The following DNAJC13 variants were observed in gnomAD, a reference collection of about 807,000 sequenced individuals.
DNAJC13 encodes the protein DnaJ heat shock protein family (Hsp40) member C13.
Under a neutral mutation model 290.5 loss-of-function variants are expected in DNAJC13, and 75 were observed. The ratio of observed to expected loss-of-function variants is 0.26; its 90% CI spans 0.21 to 0.31. DNAJC13 has a LOEUF of 0.31. DNAJC13 is among the 10% of genes least tolerant of loss of function. DNAJC13 has a pLI of 1.00. For missense variants in DNAJC13, 2,260 were observed against 2,674.5 expected, an observed-to-expected ratio of 0.85 and a Z score of 3.42; for synonymous variants, 862 against 892.0, an observed-to-expected ratio of 0.97 and a Z score of 0.60.
At chr3:132,501,121 T>A (rs940016201) in intron 39 of DNAJC13, among the ~76,000 whole-genome samples, 1 of 152,216 alleles carries the variant, frequency 6.6e-6, no homozygotes, top group Non-Finnish European at 1.5e-5. Flanking sequence ...ACTAAAGTGA[T>A]ACATCTAAAG....
At chr3:132,438,534 C>G (rs1939436929) in intron 2 of DNAJC13, among the ~76,000 whole-genome samples, 2 of 152,180 alleles carry the variant, frequency 1.3e-5, no homozygotes, top group Admixed American at 1.3e-4. Context: ...TTTTAAGAGA[C>G]TCCATGCCTA....
In DNAJC13 at chr3:132,441,136, A is replaced by G. The variant is rs190069018; in HGVS notation, c.69-5339A>G. ...GCCAAAACTTGTTTTAAAATGGCCA[A>G]GGGAACTAGGATATTCAGCCTAGGA... is the stretch of plus-strand genomic sequence containing the variant. On this transcript the variant is annotated intron_variant, in intron 2 of 55. Transcript: ENST00000260818. Among the ~76,000 whole-genome samples the G allele has an allele frequency of 1.7e-3, 265 of 152,350 alleles. 2 individuals are homozygous for G. Among genetic ancestry groups the G allele is most frequent in the Non-Finnish European group, 2.9e-3 (195 of 68,032 alleles).
intron 54 of DNAJC13, 142 bp from the exon 55 acceptor site, chr3:132,530,856 T>G: frequency 1.5e-6 from 1 of 646,082 alleles, no homozygotes; most frequent in Non-Finnish European, 2.7e-6. Context: ...ATGGAGTGTT[T>G]GATGAATGCT....
At chr3:132,420,620 G>A (rs1366475045) in intron 1 of DNAJC13, among the ~76,000 whole-genome samples, 1 of 150,408 alleles carries the variant, frequency 6.6e-6, no homozygotes, top group African/African-American at 2.5e-5. Flanking sequence ...TACTAGGAAA[G>A]GAACAAGATT....
Position 132,495,687 on chromosome 3 carries a change from G to A in DNAJC13, c.4020+521G>A, listed in dbSNP as rs540393548. ...CGTAAGAACCACCTAAACCAGGACT[G>A]ATAGTCTATTGCTAGAAACTTGGAA... is the stretch of plus-strand genomic sequence containing the variant. On this transcript the variant is annotated intron_variant, in intron 35 of 55. Transcript: ENST00000260818. Among the ~76,000 whole-genome samples, 5 of 152,112 alleles carry A rather than the reference G, an allele frequency of 3.3e-5. No individual in the cohort carries two copies. In the South Asian group the frequency reaches 1.0e-3, roughly 32 times the overall value.
At chr3:132,463,502 T>C (rs1933875286) in intron 16 of DNAJC13, among the ~76,000 whole-genome samples, 194 bp from the exon 17 acceptor site, 1 of 152,222 alleles carries the variant, frequency 6.6e-6, no homozygotes, top group Non-Finnish European at 1.5e-5. Context: ...CATCTCAACC[T>C]TATTCCAAAG....
At chr3:132,500,383 C>G (rs1442984497) in intron 38 of DNAJC13, among the ~76,000 whole-genome samples, 1 of 152,214 alleles carries the variant, frequency 6.6e-6, no homozygotes, top group African/African-American at 2.4e-5. Context: ...TGTTAATAAA[C>G]TATACAAAAT....
intron 1 of DNAJC13, among the ~76,000 whole-genome samples, chr3:132,424,904 A>G (rs994365995): frequency 6.6e-6 from 1 of 152,130 alleles, no homozygotes; most frequent in Non-Finnish European, 1.5e-5. Flanking sequence ...TACTTGAGTC[A>G]TATATTAAAA....
intron 55 of DNAJC13, among the ~76,000 whole-genome samples, chr3:132,532,900 G>T (rs1936459569): frequency 1.4e-5 from 1 of 72,714 alleles, no homozygotes; most frequent in East Asian, 1.1e-3. Context: ...ACCACACCCA[G>T]CTAATTTTTG....
intron 36 of DNAJC13, among the ~76,000 whole-genome samples, chr3:132,497,128 C>T (rs117105466): frequency 6.6e-6 from 1 of 152,172 alleles, no homozygotes; most frequent in African/African-American, 2.4e-5. Flanking sequence ...ACTTCTCATA[C>T]GTTCTATTTC....
intron 18 of DNAJC13, 75 bp downstream of exon 18, chr3:132,466,145 G>A: frequency 2.1e-6 from 3 of 1,445,210 alleles, no homozygotes; most frequent in South Asian, 1.2e-5. Flanking sequence ...ACTGTTAAAA[G>A]GGGATGGTTT....
At chr3:132,534,474 G>A (rs1216522565) in intron 55 of DNAJC13, among the ~76,000 whole-genome samples, 5 of 152,014 alleles carry the variant, frequency 3.3e-5, no homozygotes, top group African/African-American at 4.8e-5. Flanking sequence ...TGGGCAACAC[G>A]GCAAGACCCC....
At chr3:132,483,626 TAACAGCATAG>T (rs1934754926) in intron 28 of DNAJC13, 49 bp downstream of exon 28, 3 of 1,541,898 alleles carry the variant, frequency 1.9e-6, no homozygotes, top group Non-Finnish European at 2.7e-6. Flanking sequence ...GCTTCCTTAG[TAACAGCATAG>T]AATCGGTCTG....
At chr3:132,493,025 T>C (rs1042767033) in intron 33 of DNAJC13, among the ~76,000 whole-genome samples, 8 of 152,106 alleles carry the variant, frequency 5.3e-5, no homozygotes, top group Admixed American at 4.6e-4. Flanking sequence ...CTCTTTAATA[T>C]TCAGTACATT....
At chr3:132,427,106 CGTGT>C (rs71620527) in intron 1 of DNAJC13, among the ~76,000 whole-genome samples, 1 of 123,528 alleles carries the variant, frequency 8.1e-6, no homozygotes, top group South Asian at 2.6e-4. Context: ...TGTGTGTGCA[CGTGT>C]GTGTGTGTGT....
chr3:132,456,711 G>T lies in DNAJC13; in HGVS notation c.1228G>T (p.Ala410Ser). The T allele has an allele frequency of 6.2e-7, 1 of 1,614,076 alleles. No homozygotes were observed. The highest frequency in any genetic ancestry group is 1.7e-5 in the Admixed American group (1 of 60,018). ...AAAACTGATCAATAATGCCATAACAGCATTACTGTCCCAAGAAGGGGATGT... is the reference window on the plus strand; with the variant it reads ...AAAACTGATCAATAATGCCATAACATCATTACTGTCCCAAGAAGGGGATGT... The part of the protein sequence containing the change: ...KEKLINNAIT[A>S]LLSQEGDVVA... The change falls in exon 12 of 56, where the codon GCA becomes TCA. Residue 410 changes from alanine to serine, a missense_variant. Physicochemically the swap from Ala to Ser is moderately conservative, Grantham distance 99. Transcript: ENST00000260818.
At position 132,511,196 on chromosome 3, in the gene DNAJC13, G is replaced by A; in HGVS notation, c.5245G>A (p.Val1749Ile). ...SEQHGDRLPR[V>I]EMALEALRNV... Reference sequence around the variant, plus strand: ...GCAACATGGAGATCGCTTACCGAGAGTAGAAATGGCTTTGGAGGCTCTGAG... The same window carrying A: ...GCAACATGGAGATCGCTTACCGAGAATAGAAATGGCTTTGGAGGCTCTGAG... The change falls in exon 44 of 56, where the codon GTA becomes ATA. Residue 1749 changes from valine to isoleucine, a missense_variant. By Grantham distance (29) the Val-to-Ile change is conservative. Around this residue, in one of 3 missense-constraint regions of DNAJC13, gnomAD observed 1,494 missense variants for 1,693.7 expected, o/e 0.88. Transcript: ENST00000260818. 1 of 1,613,950 alleles carries A rather than the reference G, an allele frequency of 6.2e-7. No individual in the cohort carries two copies.
chr3:132,515,109 A>T (rs1935882029), intron 46 of DNAJC13, among the ~76,000 whole-genome samples: 1 of 152,186 alleles, frequency 6.6e-6, no homozygotes, highest in African/African-American at 2.4e-5. Flanking sequence ...TGGTTTAAAA[A>T]ATATATCAAC....
chr3:132,506,534 T>C (rs1935596381), intron 42 of DNAJC13, among the ~76,000 whole-genome samples: 1 of 147,344 alleles, frequency 6.8e-6, no homozygotes, highest in Admixed American at 6.8e-5. Flanking sequence ...TTTTGTTCAG[T>C]GTATTACTTT....
Sources: allele counts gnomAD v4.1 joint callset (sites outside exome capture counted in the v4.1 genomes callset), GRCh38; gene constraint gnomAD v4.1.1; regional missense constraint gnomAD v4.1.1; transcripts MANE v1.5; gene names NCBI Gene and HGNC (gene_info 2026-07-23, HGNC 2026-07-21).